ITGA9: variants seen among roughly 807,000 people sequenced by gnomAD.
The protein encoded by ITGA9 is integrin subunit alpha 9.
Under a neutral mutation model 127.8 loss-of-function variants are expected in ITGA9, and 56 were observed. That is an observed-to-expected ratio of 0.44 (90% CI 0.35 to 0.55). The LOEUF is 0.55. Ranked by LOEUF, ITGA9 falls within the 20% of genes least tolerant of loss-of-function variation. The probability of loss-of-function intolerance (pLI) is 0.00; values close to 1 mark genes in which losing one functional copy is unlikely to be tolerated. For missense variants in ITGA9, 1,196 were observed against 1,347.1 expected (o/e 0.89, Z 1.76); for synonymous variants, 508 against 514.5 (o/e 0.99, Z 0.17).
At chr3:37,700,479 GT>G (rs1354449049) in intron 18 of ITGA9, among the ~76,000 whole-genome samples, 1 of 152,150 alleles carries the variant, frequency 6.6e-6, no homozygotes, top group Non-Finnish European at 1.5e-5. Context: ...CTCCGGAGTA[GT>G]TGGGAATACA....
At position 37,494,606 on chromosome 3, in the gene ITGA9, G is replaced by C. The variant is rs374416407; in HGVS notation, c.612+38G>C. 54 of 1,552,516 alleles carry C rather than the reference G, an allele frequency of 3.5e-5. No homozygotes were observed. In the African/African-American group the frequency reaches 6.8e-4, roughly 19 times the overall value. On this transcript the variant is annotated intron_variant, in intron 5 of 27. Coordinates refer to ENST00000264741, the MANE Select transcript of ITGA9 (RefSeq NM_002207.3). ...TGTCTGGGCATTTCTGTTCTCTTGT[G>C]GGTGTTCATTTCCTTGCTTATATGA... is the stretch of plus-strand genomic sequence containing the variant.
chr3:37,794,472 T>G (rs1355745800), intron 26 of ITGA9, among the ~76,000 whole-genome samples: 1 of 152,190 alleles, frequency 6.6e-6, no homozygotes, highest in African/African-American at 2.4e-5. Context: ...TCAGACTTAT[T>G]TGGTGGTCAG....
At chr3:37,568,194 G>A (rs577176356) in intron 15 of ITGA9, among the ~76,000 whole-genome samples, 7 of 152,348 alleles carry the variant, frequency 4.6e-5, no homozygotes, top group Admixed American at 1.3e-4. Flanking sequence ...CAAGGCTTGG[G>A]GCTTGTGCCC....
At chr3:37,529,414 C>T (rs902675557) in intron 13 of ITGA9, among the ~76,000 whole-genome samples, 1 of 152,008 alleles carries the variant, frequency 6.6e-6, no homozygotes, top group Non-Finnish European at 1.5e-5. Flanking sequence ...CAGGGGTGCC[C>T]TTGGCTGTGG....
At chr3:37,512,024 T>TTTTCTTTTCCTTTCTTTC (rs869188677) in intron 8 of ITGA9, among the ~76,000 whole-genome samples, 3 of 31,988 alleles carry the variant, frequency 9.4e-5, no homozygotes, top group African/African-American at 3.0e-4. Flanking sequence ...TTTTCTTTTC[T>TTTTCTTTTCCTTTCTTTC]TTTCTTTCTT....
At chr3:37,696,362 C>T (rs35669742) in intron 18 of ITGA9, among the ~76,000 whole-genome samples, 3,018 of 152,324 alleles carry the variant, frequency 0.02, 55 homozygotes, top group Middle Eastern at 0.051. Flanking sequence ...TTGTCAGATC[C>T]TGCTCAATTA....
chr3:37,669,426 G>A (rs1470789223), intron 17 of ITGA9, among the ~76,000 whole-genome samples: 1 of 152,212 alleles, frequency 6.6e-6, no homozygotes, highest in African/African-American at 2.4e-5. Flanking sequence ...CCCTGTCCCT[G>A]CCCCAGCCTG....
At chr3:37,792,705 T>C (rs565641499) in intron 26 of ITGA9, among the ~76,000 whole-genome samples, 7 of 152,216 alleles carry the variant, frequency 4.6e-5, no homozygotes, top group Non-Finnish European at 8.8e-5. Flanking sequence ...ATCCAGTGTA[T>C]GTTCTTTAAA....
At chr3:37,467,172 T>G (rs2125550937) in intron 1 of ITGA9, among the ~76,000 whole-genome samples, 1 of 152,282 alleles carries the variant, frequency 6.6e-6, no homozygotes, top group South Asian at 2.1e-4. Flanking sequence ...ACAAGCACAT[T>G]CCCGCGTGCC....
At chr3:37,560,753 G>T (rs953741430) in intron 15 of ITGA9, among the ~76,000 whole-genome samples, 1 of 152,126 alleles carries the variant, frequency 6.6e-6, no homozygotes, top group African/African-American at 2.4e-5. Flanking sequence ...AGTTAAACAG[G>T]TAAAACTAAT....
At chr3:37,565,032 G>C (rs1397738915) in intron 15 of ITGA9, among the ~76,000 whole-genome samples, 1 of 152,204 alleles carries the variant, frequency 6.6e-6, no homozygotes, top group Non-Finnish European at 1.5e-5. Context: ...CTCTCCTGTA[G>C]TGAGGGAGGA....
At chr3:37,772,389 C>G (rs1696855323) in intron 23 of ITGA9, among the ~76,000 whole-genome samples, 1 of 151,524 alleles carries the variant, frequency 6.6e-6, no homozygotes, top group African/African-American at 2.4e-5. Context: ...GCCTGGGTAA[C>G]AGAGCAAGAC....
intron 21 of ITGA9, among the ~76,000 whole-genome samples, chr3:37,742,095 A>G (rs573256910): frequency 1.6e-4 from 24 of 152,324 alleles, no homozygotes; most frequent in Non-Finnish European, 2.9e-4. Context: ...AACATTCCAT[A>G]TACCTTTATG....
At chr3:37,516,727 A>G (rs1353419405) in intron 9 of ITGA9, among the ~76,000 whole-genome samples, 3 of 152,186 alleles carry the variant, frequency 2.0e-5, no homozygotes, top group African/African-American at 7.2e-5. Context: ...TAGTGGGCCC[A>G]GACTGCCTCT....
intron 16 of ITGA9, among the ~76,000 whole-genome samples, chr3:37,644,024 G>T (rs112840044): frequency 6.6e-6 from 1 of 152,292 alleles, no homozygotes; most frequent in Admixed American, 6.5e-5. Flanking sequence ...AAAGAAAAAT[G>T]AAACATAGAA....
At chr3:37,473,106 T>C (rs1698450846) in intron 2 of ITGA9, among the ~76,000 whole-genome samples, 1 of 117,674 alleles carries the variant, frequency 8.5e-6, no homozygotes, top group South Asian at 2.8e-4. Context: ...GCCACTGCAC[T>C]CCAGCCTGGA....
chr3:37,781,664 A>C (rs1042066689), intron 25 of ITGA9, among the ~76,000 whole-genome samples: 10 of 152,240 alleles, frequency 6.6e-5, no homozygotes, highest in Non-Finnish European at 1.3e-4. Flanking sequence ...TGTGAAGATA[A>C]AACTAAATAT....
At chr3:37,510,761 C>G (rs971202277) in intron 8 of ITGA9, among the ~76,000 whole-genome samples, 2 of 152,100 alleles carry the variant, frequency 1.3e-5, no homozygotes, top group African/African-American at 4.8e-5. Context: ...TTGACTTTTT[C>G]TTTTCTTTAG....
chr3:37,688,728 A>G (rs1160097760), intron 18 of ITGA9, among the ~76,000 whole-genome samples: 1 of 152,124 alleles, frequency 6.6e-6, no homozygotes, highest in African/African-American at 2.4e-5. Context: ...ATGAACTACT[A>G]TGTCCTTAAA....
Sources: allele counts gnomAD v4.1 joint callset (sites outside exome capture counted in the v4.1 genomes callset), GRCh38; gene constraint gnomAD v4.1.1; transcripts MANE v1.5; gene names NCBI Gene and HGNC (gene_info 2026-07-23, HGNC 2026-07-21).